Variants in TDP1 observed in about 807,000 individuals in gnomAD.
TDP1 encodes the protein tyr-DNA phosphodiesterase 1.
Under a neutral mutation model 81.5 loss-of-function variants are expected in TDP1, and 64 were observed. The ratio of observed to expected loss-of-function variants is 0.79; its 90% CI spans 0.64 to 0.97. The LOEUF (loss-of-function observed/expected upper bound fraction) is 0.97. Among genes scored for constraint, TDP1 ranks in the 50% least tolerant of loss-of-function variants. The probability of loss-of-function intolerance (pLI) is 0.00; values close to 1 mark genes in which losing one functional copy is unlikely to be tolerated. For missense variants in TDP1, 723 were observed against 743.8 expected (o/e 0.97, Z 0.33); for synonymous variants, 256 against 264.3 (o/e 0.97, Z 0.30).
chr14:89,999,201 GA>G (rs201791960), intron 14 of TDP1, among the ~76,000 whole-genome samples: 2 of 152,076 alleles, frequency 1.3e-5, no homozygotes, highest in African/African-American at 2.4e-5. Context: ...AGTGAAAGCT[GA>G]AAAAAATGCC....
At chr14:89,959,586 T>C (rs541649378) in intron 2 of TDP1, among the ~76,000 whole-genome samples, 3 of 152,222 alleles carry the variant, frequency 2.0e-5, no homozygotes, top group Non-Finnish European at 4.4e-5. Context: ...TCAGGCATAT[T>C]TTTGAGTTTC....
intron 12 of TDP1, chr14:89,991,427 C>T (rs551686493): frequency 2.3e-5 from 8 of 340,586 alleles, no homozygotes; most frequent in South Asian, 1.2e-4. Flanking sequence ...TTACTTGGTG[C>T]GTTCTCGTCC....
intron 10 of TDP1, among the ~76,000 whole-genome samples, chr14:89,986,265 G>A (rs1382593993): frequency 6.6e-6 from 1 of 152,212 alleles, no homozygotes; most frequent in Non-Finnish European, 1.5e-5. Flanking sequence ...GATATCCATA[G>A]CTGGGTTCAA....
chr14:90,002,521 TA>T (rs1897269625), intron 14 of TDP1, among the ~76,000 whole-genome samples: 1 of 152,122 alleles, frequency 6.6e-6, no homozygotes, highest in African/African-American at 2.4e-5. Flanking sequence ...AAGCACCTTA[TA>T]AAGCCTTTAT....
intron 14 of TDP1, among the ~76,000 whole-genome samples, chr14:90,017,691 T>A (rs963959387): frequency 6.6e-6 from 1 of 152,146 alleles, no homozygotes; most frequent in Non-Finnish European, 1.5e-5. Context: ...GAAAAACACC[T>A]CAGACCCACT....
intron 14 of TDP1, among the ~76,000 whole-genome samples, chr14:89,995,205 A>G (rs770050312): frequency 6.6e-6 from 1 of 152,244 alleles, no homozygotes; most frequent in Non-Finnish European, 1.5e-5. Flanking sequence ...AATAGCAACA[A>G]CATTCATTCA....
At chr14:89,989,211 CGTGGCG>C in intron 11 of TDP1, 121 bp downstream of exon 11, 2 of 1,070,402 alleles carry the variant, frequency 1.9e-6, no homozygotes, top group African/African-American at 1.8e-5. Flanking sequence ...TTTTTTTTGG[CGTGGCG>C]GGGGCGGGGT....
At chr14:90,019,920 CAG>C (rs1885766710) in intron 15 of TDP1, among the ~76,000 whole-genome samples, 1 of 152,126 alleles carries the variant, frequency 6.6e-6, no homozygotes, top group Non-Finnish European at 1.5e-5. Flanking sequence ...AACTGGGAAG[CAG>C]AGATTGGTTC....
intron 14 of TDP1, among the ~76,000 whole-genome samples, chr14:90,010,335 A>G (rs892990680): frequency 2.0e-5 from 3 of 152,272 alleles, no homozygotes; most frequent in African/African-American, 7.2e-5. Flanking sequence ...TAACTGGGCA[A>G]ACATTTGCAA....
intron 16 of TDP1, among the ~76,000 whole-genome samples, chr14:90,034,558 C>CATATT (rs1298431435): frequency 6.6e-6 from 1 of 152,182 alleles, no homozygotes; most frequent in Non-Finnish European, 1.5e-5. Context: ...TTTTATCAGC[C>CATATT]CTGAGAATAT....
chr14:89,982,963 T>G (rs1418189595), intron 8 of TDP1, among the ~76,000 whole-genome samples: 2 of 152,250 alleles, frequency 1.3e-5, no homozygotes, highest in African/African-American at 4.8e-5. Flanking sequence ...TTTTTAAAAT[T>G]AGAACAAGAG....
chr14:90,026,896 T>C (rs1886725962), intron 15 of TDP1, among the ~76,000 whole-genome samples: 1 of 152,358 alleles, frequency 6.6e-6, no homozygotes, highest in African/African-American at 2.4e-5. Flanking sequence ...TCTTTGCTAT[T>C]GTGAATAGTG....
At chr14:90,000,863 C>G (rs930960079) in intron 14 of TDP1, among the ~76,000 whole-genome samples, 3 of 152,192 alleles carry the variant, frequency 2.0e-5, no homozygotes, top group Non-Finnish European at 2.9e-5. Context: ...TCTGTACTTT[C>G]TTGGAGCCAA....
At chr14:89,964,193 G>A (rs1317061515) in intron 3 of TDP1, among the ~76,000 whole-genome samples, 1 of 151,574 alleles carries the variant, frequency 6.6e-6, no homozygotes, top group Non-Finnish European at 1.5e-5. Context: ...CCTGGTTTTA[G>A]TTCCTGGTGA....
intron 15 of TDP1, among the ~76,000 whole-genome samples, chr14:90,028,298 T>C (rs777117406): frequency 1.3e-5 from 2 of 152,234 alleles, no homozygotes; most frequent in Non-Finnish European, 2.9e-5. Context: ...GAAAGCCTGA[T>C]GCCTTGTGTA....
At chr14:90,008,999 A>G (rs977275565) in intron 14 of TDP1, among the ~76,000 whole-genome samples, 2 of 152,228 alleles carry the variant, frequency 1.3e-5, no homozygotes, top group Non-Finnish European at 2.9e-5. Context: ...ATGAGCTACC[A>G]TGTCCAGCTC....
At chr14:90,019,134 C>T (rs1281749877) in intron 14 of TDP1, 182 bp from the exon 15 acceptor site, 8 of 963,922 alleles carry the variant, frequency 8.3e-6, no homozygotes, top group East Asian at 2.3e-4. Context: ...AGATAAATCT[C>T]GAGGATTAGA....
intron 14 of TDP1, among the ~76,000 whole-genome samples, chr14:89,998,708 G>C (rs1896938114): frequency 6.6e-6 from 1 of 151,828 alleles, no homozygotes; most frequent in Admixed American, 6.6e-5. Flanking sequence ...AGAAGTAGGG[G>C]AAGAGCCATG....
chr14:89,994,791 A>C (rs1896522413), intron 14 of TDP1, among the ~76,000 whole-genome samples: 1 of 152,230 alleles, frequency 6.6e-6, no homozygotes. Context: ...TGCTATTGTA[A>C]GTAGGCCTAG....
Sources: gnomAD v4.1 joint callset for allele counts (sites outside exome capture counted in the v4.1 genomes callset) on GRCh38, gnomAD v4.1.1 for gene constraint, MANE v1.5 for transcripts, NCBI Gene and HGNC (gene_info 2026-07-23, HGNC 2026-07-21) for gene names.